KCNH7: variants seen among roughly 807,000 people sequenced by gnomAD.
The protein encoded by KCNH7 is potassium voltage-gated channel subfamily H member 7.
A neutral mutation model predicts 120.8 loss-of-function variants in KCNH7; 49 were observed. The ratio of observed to expected loss-of-function variants is 0.41; its 90% CI spans 0.32 to 0.51. The LOEUF (loss-of-function observed/expected upper bound fraction) is 0.51. KCNH7 is among the 20% of genes least tolerant of loss of function. The pLI, the probability that KCNH7 is intolerant of heterozygous loss-of-function variation, is 0.38. For missense variants in KCNH7, 1,097 were observed against 1,446.6 expected (o/e 0.76, Z 3.92); for synonymous variants, 547 against 516.1 (o/e 1.06, Z -0.81).
At chr2:162,800,519 G>A (rs1684304910) in intron 2 of KCNH7, among the ~76,000 whole-genome samples, 1 of 151,548 alleles carries the variant, frequency 6.6e-6, no homozygotes, top group African/African-American at 2.4e-5. Flanking sequence ...AATACCTCAA[G>A]CTCTAATTCC....
At chr2:162,543,288 A>G (rs1041523684) in intron 2 of KCNH7, among the ~76,000 whole-genome samples, 12 of 147,182 alleles carry the variant, frequency 8.2e-5, no homozygotes, top group African/African-American at 3.1e-4. Flanking sequence ...ACATACGCAC[A>G]CACACACACA....
Position 162,371,734 on chromosome 2 carries a change from GAGCC to G in KCNH7, c.*91_*94del. The G allele has an allele frequency of 1.7e-6, 2 of 1,185,856 alleles. No homozygotes were observed. Among genetic ancestry groups the G allele is most frequent in the Non-Finnish European group, 2.4e-6 (2 of 848,874 alleles). 73.5% of individuals were successfully genotyped at this position (1,185,856 alleles called of 1,614,324 possible). A position where few individuals can be genotyped will look rare whatever the true frequency, so the allele number is the denominator to read the frequency against. ...ACTTTTGCATATAATGGTACCTTGT[GAGCC>G]CCTGAGTCAAGTAGAGAGGATTTAA... On this transcript the variant is annotated 3_prime_UTR_variant, in exon 16 of 16. Transcript: ENST00000332142.
chr2:162,782,455 G>C (rs1351376305), intron 2 of KCNH7, among the ~76,000 whole-genome samples: 2 of 152,176 alleles, frequency 1.3e-5, no homozygotes, highest in African/African-American at 4.8e-5. Flanking sequence ...GGAACAGCAA[G>C]TGCACAGGCA....
intron 2 of KCNH7, among the ~76,000 whole-genome samples, chr2:162,607,345 G>T (rs1185067279): frequency 3.3e-5 from 5 of 151,290 alleles, no homozygotes; most frequent in South Asian, 4.2e-4. Flanking sequence ...AGCCAAGATT[G>T]TCCCACTGCA....
rs572809566 is a variant in KCNH7 at position 162,452,215 on chromosome 2, C to G, written c.1129-5772G>C. Among the ~76,000 whole-genome samples, 6 of 151,958 alleles carry G rather than the reference C, an allele frequency of 3.9e-5. No individual in the cohort carries two copies. In the South Asian group the frequency reaches 1.2e-3, roughly 32 times the overall value. On this transcript the variant is annotated intron_variant, in intron 6 of 15. Coordinates refer to ENST00000332142, the MANE Select transcript of KCNH7 (RefSeq NM_033272.4). ...AGCTGTATATTGATTTTTATTGAAA[C>G]TGAATGATGGATAGTTACTATTTAT...
chr2:162,526,936 C>T (rs551666190), intron 3 of KCNH7, among the ~76,000 whole-genome samples: 10 of 152,036 alleles, frequency 6.6e-5, no homozygotes, highest in East Asian at 2.0e-4. Context: ...TAAAGACAGG[C>T]GTAAGAAATT....
intron 2 of KCNH7, chr2:162,769,115 C>T (rs184369836): frequency 7.9e-5 from 12 of 152,236 alleles, no homozygotes; most frequent in African/African-American, 2.9e-4. Context: ...TGAGTAACAA[C>T]ATCTTTTAAA....
intron 9 of KCNH7, among the ~76,000 whole-genome samples, chr2:162,405,286 A>G (rs1458777797): frequency 1.3e-5 from 2 of 152,026 alleles, no homozygotes; most frequent in East Asian, 3.9e-4. Context: ...TTAAGTGAAT[A>G]TGAAATGCTT....
intron 2 of KCNH7, among the ~76,000 whole-genome samples, chr2:162,803,915 T>C (rs1453466895): frequency 7.3e-6 from 1 of 136,378 alleles, no homozygotes; most frequent in Non-Finnish European, 1.6e-5. Flanking sequence ...GTGTTTCCAA[T>C]TGTCTAAAAA....
At chr2:162,577,983 G>A (rs1693745872) in intron 2 of KCNH7, among the ~76,000 whole-genome samples, 1 of 151,994 alleles carries the variant, frequency 6.6e-6, no homozygotes, top group Admixed American at 6.6e-5. Flanking sequence ...CCTGCCCAAG[G>A]TCATAGAATT....
rs1374286620 is a variant in KCNH7, at chr2:162,396,899, A to G, written c.2454T>C (p.Pro818=). Residue 818 remains proline (P), a synonymous_variant, in exon 11 of 16, where the codon CCT becomes CCC. Coordinates refer to ENST00000332142, the MANE Select transcript of KCNH7 (RefSeq NM_033272.4). ...FGEMVHLYAK[P]GKSNADVRAL... is the part of the protein sequence containing the mutation. The stretch of plus-strand genomic sequence containing the variant: ...CTCTTACATCTGCATTAGACTTTCC[A>G]GGTTTGGCATAAAGATGAACCATTT... The G allele has an allele frequency of 1.9e-6, 3 of 1,611,406 alleles. No individual in the cohort carries two copies. Among genetic ancestry groups the G allele is most frequent in the South Asian group, 1.1e-5 (1 of 90,976 alleles).
At chr2:162,752,183 G>A (rs1460128040) in intron 2 of KCNH7, among the ~76,000 whole-genome samples, 1 of 152,092 alleles carries the variant, frequency 6.6e-6, no homozygotes, top group Non-Finnish European at 1.5e-5. Context: ...TTCAGACAGG[G>A]TCATACTTTG....
chr2:162,417,625 A>G (rs1687578477), intron 9 of KCNH7, among the ~76,000 whole-genome samples: 1 of 152,136 alleles, frequency 6.6e-6, no homozygotes. Context: ...TGTAATATGG[A>G]AAGCTCTAGG....
rs148807184 is a variant in KCNH7, at chr2:162,608,213, G to A, written c.308-71133C>T. On this transcript the variant is annotated intron_variant, in intron 2 of 15. Coordinates refer to ENST00000332142, the MANE Select transcript of KCNH7 (RefSeq NM_033272.4). The stretch of plus-strand genomic sequence containing the variant: ...ACAACAACAAATAGTTCAGCCAGTC[G>A]GATACTGGTATGGCCCAGACCAGAG... 9.2e-5 allele frequency among the ~76,000 whole-genome samples: 14 copies of A among 152,226 alleles called. No individual in the cohort carries two copies. In the East Asian group the frequency reaches 2.5e-3, roughly 27 times the overall value.
chr2:162,589,196 C>T (rs1400112026), intron 2 of KCNH7, among the ~76,000 whole-genome samples: 2 of 152,118 alleles, frequency 1.3e-5, no homozygotes, highest in African/African-American at 4.8e-5. Context: ...CTTTGTAGAC[C>T]GAACGACTCC....
chr2:162,418,481 G>C (rs978255245), intron 9 of KCNH7, among the ~76,000 whole-genome samples: 5 of 152,170 alleles, frequency 3.3e-5, no homozygotes, highest in African/African-American at 1.2e-4. Context: ...TTACATTTTT[G>C]ATGGGGTATA....
intron 2 of KCNH7, among the ~76,000 whole-genome samples, chr2:162,642,792 T>A (rs1684212217): frequency 6.6e-6 from 1 of 152,194 alleles, no homozygotes; most frequent in Non-Finnish European, 1.5e-5. Flanking sequence ...GTTCTTGCTA[T>A]TCCTGTAGAA....
intron 2 of KCNH7, among the ~76,000 whole-genome samples, chr2:162,647,040 G>A (rs554674130): frequency 1.7e-4 from 26 of 152,094 alleles, no homozygotes; most frequent in Non-Finnish European, 3.1e-4. Flanking sequence ...GTCTAAAGTC[G>A]GTCAGTAGTA....
intron 2 of KCNH7, among the ~76,000 whole-genome samples, chr2:162,651,865 G>A (rs977531848): frequency 1.1e-4 from 16 of 152,144 alleles, no homozygotes; most frequent in Admixed American, 1.0e-3. Context: ...ACCAGCATCT[G>A]CTATTTTTTG....
Sources: allele counts gnomAD v4.1 joint callset (sites outside exome capture counted in the v4.1 genomes callset), GRCh38; gene constraint gnomAD v4.1.1; transcripts MANE v1.5; gene names NCBI Gene and HGNC (gene_info 2026-07-23, HGNC 2026-07-21).